Variants in PDZRN3 observed in about 807,000 individuals in gnomAD.
PDZRN3 encodes the protein E3 ubiquitin-protein ligase PDZRN3.
A neutral mutation model predicts 85.7 loss-of-function variants in PDZRN3; 38 were observed. The observed-to-expected ratio is 0.44, with a 90% CI of 0.34 to 0.58. The LOEUF is 0.58. Among genes scored for constraint, PDZRN3 ranks in the 20% least tolerant of loss-of-function variants. The pLI is 0.01. For missense variants in PDZRN3, 1,629 were observed against 1,506.4 expected, an observed-to-expected ratio of 1.08 and a Z score of -1.35; for synonymous variants, 759 against 638.0, an observed-to-expected ratio of 1.19 and a Z score of -2.86.
rs1362660391 is a variant in PDZRN3 at position 73,410,506 on chromosome 3, C to A, written c.919-6111G>T. 2.0e-5 allele frequency among the ~76,000 whole-genome samples: 3 copies of A among 152,212 alleles called. No individual in the cohort carries two copies. The East Asian group carries it at 5.8e-4, about 29-fold the overall frequency. On this transcript the variant is annotated intron_variant, in intron 3 of 9. Transcript: ENST00000263666. ...TCTAAATGCATCCTGATGTTATTTC[C>A]CTAGATTTGGTATTTTTACAACCAT...
intron 3 of PDZRN3, among the ~76,000 whole-genome samples, chr3:73,524,406 T>C (rs1704470624): frequency 6.6e-6 from 1 of 152,210 alleles, no homozygotes; most frequent in South Asian, 2.1e-4. Flanking sequence ...AGATTTCAAG[T>C]TCCCTCTGAG....
At chr3:73,570,270 C>T (rs981697534) in intron 3 of PDZRN3, among the ~76,000 whole-genome samples, 1 of 152,140 alleles carries the variant, frequency 6.6e-6, no homozygotes, top group Non-Finnish European at 1.5e-5. Flanking sequence ...AATGACAAAA[C>T]AAACGAATAC....
At position 73,385,803 on chromosome 3, in the gene PDZRN3, C is replaced by G. The variant is rs749001428; in HGVS notation, c.1519-18G>C. 1 of 1,339,132 alleles carries G rather than the reference C, an allele frequency of 7.5e-7. No homozygotes were observed. The highest frequency in any genetic ancestry group is 1.1e-6 in the Non-Finnish European group (1 of 929,806). The allele number at this position is 1,339,132 out of a possible 1,614,324, so 83.0% of individuals were successfully genotyped here. The stretch of plus-strand genomic sequence containing the variant: ...TCATCCAGCTGCAGGCAAGAGCAGC[C>G]AACACATGCCTTAGAAGTTTCCTTT... On this transcript the variant is annotated intron_variant, in intron 8 of 9. Transcript: ENST00000263666.
At chr3:73,600,879 A>G (rs1702506935) in intron 3 of PDZRN3, among the ~76,000 whole-genome samples, 1 of 152,240 alleles carries the variant, frequency 6.6e-6, no homozygotes, top group Non-Finnish European at 1.5e-5. Context: ...AATTCCTGTT[A>G]GGGAAAATCC....
chr3:73,398,693 G>A (rs1032122049), intron 5 of PDZRN3, among the ~76,000 whole-genome samples: 2 of 152,128 alleles, frequency 1.3e-5, no homozygotes, highest in Admixed American at 1.3e-4. Flanking sequence ...TTTAATACTA[G>A]CTAATCTCCT....
chr3:73,403,424 T>A (rs2106726526), intron 4 of PDZRN3, among the ~76,000 whole-genome samples: 1 of 152,338 alleles, frequency 6.6e-6, no homozygotes, highest in African/African-American at 2.4e-5. Context: ...ACTTCCCACA[T>A]ATTGTTTCAT....
chr3:73,511,320 G>A (rs186861234), intron 3 of PDZRN3, among the ~76,000 whole-genome samples: 58 of 152,234 alleles, frequency 3.8e-4, no homozygotes, highest in Admixed American at 3.5e-3. Context: ...GAAGCGGGAC[G>A]ACTCTCTTAG....
At chr3:73,613,261 C>T (rs1234201122) in intron 1 of PDZRN3, among the ~76,000 whole-genome samples, 1 of 152,080 alleles carries the variant, frequency 6.6e-6, no homozygotes, top group Non-Finnish European at 1.5e-5. Context: ...CTTGGACTTT[C>T]AGTAGAGCAC....
At chr3:73,474,952 A>G (rs2106893454) in intron 3 of PDZRN3, among the ~76,000 whole-genome samples, 1 of 152,290 alleles carries the variant, frequency 6.6e-6, no homozygotes, top group African/African-American at 2.4e-5. Context: ...GTTTTTCCAC[A>G]GTCTTTTCTG....
intron 2 of PDZRN3, among the ~76,000 whole-genome samples, chr3:73,608,186 G>A (rs1411549753): frequency 1.3e-5 from 2 of 152,178 alleles, no homozygotes; most frequent in African/African-American, 4.8e-5. Flanking sequence ...TCTGACTAAT[G>A]AACAGCTGAC....
intron 3 of PDZRN3, among the ~76,000 whole-genome samples, chr3:73,470,699 G>A (rs1703319640): frequency 1.3e-5 from 2 of 152,170 alleles, no homozygotes; most frequent in South Asian, 2.1e-4. Context: ...GCCACAGGTG[G>A]AGTGAAATCT....
intron 3 of PDZRN3, among the ~76,000 whole-genome samples, chr3:73,420,660 A>G (rs539789986): frequency 6.6e-6 from 1 of 152,244 alleles, no homozygotes; most frequent in South Asian, 2.1e-4. Flanking sequence ...ACTGTCCCCC[A>G]AGAGACTTTC....
chr3:73,595,996 A>G, intron 3 of PDZRN3, among the ~76,000 whole-genome samples: 1 of 152,188 alleles, frequency 6.6e-6, no homozygotes, highest in Non-Finnish European at 1.5e-5. Context: ...ACTATTCTCC[A>G]CTAAATGAAG....
In PDZRN3 at chr3:73,510,537, A is replaced by G. The variant is rs1315036452; in HGVS notation, c.918+91817T>C. Among the ~76,000 whole-genome samples the G allele has an allele frequency of 3.3e-5, 5 of 152,360 alleles. No homozygotes were observed. The East Asian group carries it at 9.6e-4, about 29-fold the overall frequency. On this transcript the variant is annotated intron_variant, in intron 3 of 9. Coordinates refer to ENST00000263666, the MANE Select transcript of PDZRN3 (RefSeq NM_015009.3). Reference sequence around the variant, plus strand: ...GTCAGAAGGAAATTTAAAAGACCACATAAGCACAAAATACAGAAGGAAAGA... The same window carrying G: ...GTCAGAAGGAAATTTAAAAGACCACGTAAGCACAAAATACAGAAGGAAAGA...
intron 7 of PDZRN3, 79 bp downstream of exon 7, chr3:73,389,737 A>C: frequency 9.5e-7 from 1 of 1,049,680 alleles, no homozygotes; most frequent in Non-Finnish European, 1.5e-6. Flanking sequence ...TGCATTTTCA[A>C]CCCTAGACCT....
intron 3 of PDZRN3, among the ~76,000 whole-genome samples, chr3:73,536,729 T>G (rs2106769308): frequency 6.6e-6 from 1 of 152,226 alleles, no homozygotes; most frequent in East Asian, 1.9e-4. Flanking sequence ...TGGTGGTAGG[T>G]CTCTACCCAA....
At chr3:73,465,496 A>T (rs1019504818) in intron 3 of PDZRN3, among the ~76,000 whole-genome samples, 20 of 152,374 alleles carry the variant, frequency 1.3e-4, no homozygotes, top group African/African-American at 4.8e-4. Context: ...AACAAAATAC[A>T]AAATATCCCT....
intron 3 of PDZRN3, chr3:73,433,798 G>C (rs533761042): frequency 6.6e-7 from 1 of 1,513,222 alleles, no homozygotes; most frequent in Non-Finnish European, 8.8e-7. Context: ...GGTATCCTTG[G>C]AGAGCCTCAG....
At chr3:73,501,010 G>A (rs1007220932) in intron 3 of PDZRN3, among the ~76,000 whole-genome samples, 5 of 151,940 alleles carry the variant, frequency 3.3e-5, no homozygotes, top group South Asian at 2.1e-4. Flanking sequence ...GCATGGTGTC[G>A]TATATTCCTT....
Sources: gnomAD v4.1 joint callset for allele counts (sites outside exome capture counted in the v4.1 genomes callset) on GRCh38, gnomAD v4.1.1 for gene constraint, MANE v1.5 for transcripts, NCBI Gene and HGNC (gene_info 2026-07-23, HGNC 2026-07-21) for gene names.